Variants in CNTN3 observed in about 807,000 individuals in gnomAD.
CNTN3 encodes contactin-3.
CNTN3 carries 60 observed loss-of-function variants against 119.1 expected under a neutral mutation model. That is an observed-to-expected ratio of 0.50 (90% confidence interval 0.41 to 0.62). The LOEUF (loss-of-function observed/expected upper bound fraction) is 0.62, where lower values mean the gene tolerates loss of function less well. CNTN3 is among the 20% of genes least tolerant of loss of function. The pLI is 0.00. For synonymous variants in CNTN3, 450 were observed against 438.7 expected (o/e 1.03, Z -0.32); for missense variants, 1,101 against 1,242.4 (o/e 0.89, Z 1.71).
At chr3:74,532,097 C>T (rs879079556) in intron 1 of CNTN3, among the ~76,000 whole-genome samples, 5 of 151,864 alleles carry the variant, frequency 3.3e-5, no homozygotes, top group Admixed American at 6.6e-5. Context: ...AAATGCTTTT[C>T]GTGATGTTAT....
intron 4 of CNTN3, among the ~76,000 whole-genome samples, chr3:74,433,498 T>TTA (rs1294358787): frequency 6.6e-6 from 1 of 152,222 alleles, no homozygotes; most frequent in Non-Finnish European, 1.5e-5. Context: ...AAGCATCTAA[T>TTA]AAGATCATAA....
intron 4 of CNTN3, among the ~76,000 whole-genome samples, chr3:74,472,615 C>G (rs551200849): frequency 6.6e-6 from 1 of 152,150 alleles, no homozygotes; most frequent in African/African-American, 2.4e-5. Context: ...TTAATCTCAA[C>G]GGAAACTTGG....
Position 74,285,413 on chromosome 3 carries a change from G to A in CNTN3, c.2596C>T (p.Leu866=). ...GCCAGGTTGCTCTTCAGGCCCCGTA[G>A]TCTGGCTGATGTCTCATTTCCTGCC... is the stretch of plus-strand genomic sequence containing the variant. ...KVAGNETSAR[L]RGLKSNLAYY... is the part of the protein sequence containing the mutation. Residue 866 remains leucine (L), a synonymous_variant, in exon 20 of 23, where the codon CTA becomes TTA. Transcript: ENST00000263665. The A allele has an allele frequency of 1.9e-6, 3 of 1,613,570 alleles. No individual in the cohort carries two copies. The highest frequency in any genetic ancestry group is 2.5e-6 in the Non-Finnish European group (3 of 1,179,744).
At chr3:74,265,582 G>A (rs1222179674) in intron 22 of CNTN3, among the ~76,000 whole-genome samples, 1 of 152,090 alleles carries the variant, frequency 6.6e-6, no homozygotes, top group Non-Finnish European at 1.5e-5. Context: ...TGTTTTCTTA[G>A]TGTAGCTTTG....
chr3:74,429,503 G>A (rs1021483612), intron 4 of CNTN3, among the ~76,000 whole-genome samples: 4 of 151,770 alleles, frequency 2.6e-5, no homozygotes, highest in Middle Eastern at 3.4e-3. Flanking sequence ...GACCACAAAC[G>A]TAAATGTAAA....
intron 1 of CNTN3, among the ~76,000 whole-genome samples, chr3:74,568,638 G>T (rs1291375038): frequency 1.3e-5 from 2 of 152,298 alleles, no homozygotes; most frequent in Non-Finnish European, 2.9e-5. Flanking sequence ...ATAAGTGGTA[G>T]ATGTAACTAC....
At chr3:74,411,435 C>T (rs562022746) in intron 5 of CNTN3, among the ~76,000 whole-genome samples, 13 of 152,234 alleles carry the variant, frequency 8.5e-5, no homozygotes, top group African/African-American at 2.9e-4. Flanking sequence ...GAGTTTTCTT[C>T]TCAAGTAAGT....
chr3:74,287,010 C>T (rs148517182), intron 19 of CNTN3, among the ~76,000 whole-genome samples: 5 of 152,290 alleles, frequency 3.3e-5, no homozygotes, highest in African/African-American at 4.8e-5. Flanking sequence ...TTTAACTGTT[C>T]GCAGCAAAGC....
At chr3:74,539,888 G>T (rs1435113349) in intron 1 of CNTN3, among the ~76,000 whole-genome samples, 1 of 151,716 alleles carries the variant, frequency 6.6e-6, no homozygotes. Flanking sequence ...GTTCGGAAAG[G>T]AGGTTCCATT....
At chr3:74,593,825 G>A (rs780324367) in intron 1 of CNTN3, among the ~76,000 whole-genome samples, 3 of 151,858 alleles carry the variant, frequency 2.0e-5, no homozygotes, top group Non-Finnish European at 4.4e-5. Context: ...AATGCCTCAC[G>A]GACTTGGAAA....
intron 4 of CNTN3, among the ~76,000 whole-genome samples, chr3:74,479,408 T>C (rs920410198): frequency 5.8e-4 from 89 of 152,192 alleles, no homozygotes; most frequent in Middle Eastern, 3.4e-3. Flanking sequence ...CTATACAAGA[T>C]ACCACAAATC....
rs1458456552 is a variant in CNTN3, at chr3:74,594,975, G to T, written c.-81+19416C>A. On this transcript the variant is annotated intron_variant, in intron 1 of 22. Transcript: ENST00000263665. ...CAGCACCTGTTGTTTCCTGACTTTT[G>T]AATGATCACCATTCTAACTGGCGTG... Among the ~76,000 whole-genome samples the T allele has an allele frequency of 2.4e-3, 364 of 151,818 alleles. 4 individuals carry two copies. The highest frequency in any genetic ancestry group is 7.3e-3 in the African/African-American group (300 of 41,310).
At position 74,299,827 on chromosome 3, in the gene CNTN3, C is replaced by G. The variant is rs116482843; in HGVS notation, c.2166+41G>C. 7,666 of 1,540,058 alleles carry G rather than the reference C, an allele frequency of 5.0e-3. 34 individuals carry two copies. Among genetic ancestry groups the G allele is most frequent in the Non-Finnish European group, 5.8e-3 (6,556 of 1,122,940 alleles). On this transcript the variant is annotated intron_variant, in intron 17 of 22. Coordinates refer to ENST00000263665, the MANE Select transcript of CNTN3 (RefSeq NM_020872.3). ...TGGGAAGCCATAATGATCATGGGAA[C>G]AGCAAGACCCTGATGGGGAAGATGC...
intron 4 of CNTN3, among the ~76,000 whole-genome samples, chr3:74,470,837 G>C (rs1702546990): frequency 6.6e-6 from 1 of 151,682 alleles, no homozygotes; most frequent in African/African-American, 2.4e-5. Context: ...AACTCAATGA[G>C]AAAAATACTC....
Position 74,344,397 on chromosome 3 carries a change from G to GTTTTTTTTTTTTT in CNTN3, c.1365-7752_1365-7740dup, listed in dbSNP as rs1156579949. Among the ~76,000 whole-genome samples the GTTTTTTTTTTTTT allele has an allele frequency of 1.8e-4, 6 of 32,620 alleles. 1 individual carries two copies. Among genetic ancestry groups the GTTTTTTTTTTTTT allele is most frequent in the Non-Finnish European group, 4.3e-4 (6 of 13,920 alleles). 21.4% of individuals were successfully genotyped at this position (32,620 alleles called of 152,430 possible). ...AGTTCATTTACAACCTTACACAGTG[G>GTTTTTTTTTTTTT]TTTTTTTTTTTTTTTTTTTTTTTTT... On this transcript the variant is annotated intron_variant, in intron 11 of 22. Coordinates refer to ENST00000263665, the MANE Select transcript of CNTN3 (RefSeq NM_020872.3).
At chr3:74,571,576 T>C (rs1704334812) in intron 1 of CNTN3, among the ~76,000 whole-genome samples, 1 of 152,186 alleles carries the variant, frequency 6.6e-6, no homozygotes, top group South Asian at 2.1e-4. Flanking sequence ...GCACAATATA[T>C]GGAAAGCACT....
chr3:74,493,002 C>A (rs1702996046), intron 3 of CNTN3, among the ~76,000 whole-genome samples: 1 of 152,070 alleles, frequency 6.6e-6, no homozygotes, highest in Middle Eastern at 3.2e-3. Flanking sequence ...CTACCCTAGC[C>A]ATTACTAACC....
At chr3:74,460,142 A>G (rs1702338949) in intron 4 of CNTN3, among the ~76,000 whole-genome samples, 1 of 152,046 alleles carries the variant, frequency 6.6e-6, no homozygotes, top group African/African-American at 2.4e-5. Flanking sequence ...CCAACACAAC[A>G]CAGTCTTGAT....
chr3:74,315,813 C>T (rs574510872), intron 13 of CNTN3, among the ~76,000 whole-genome samples: 2 of 152,038 alleles, frequency 1.3e-5, no homozygotes, highest in African/African-American at 4.8e-5. Context: ...AATTAAGTCA[C>T]GACGGATTAA....
Sources: gnomAD v4.1 joint callset for allele counts (sites outside exome capture counted in the v4.1 genomes callset) on GRCh38, gnomAD v4.1.1 for gene constraint, MANE v1.5 for transcripts, NCBI Gene and HGNC (gene_info 2026-07-23, HGNC 2026-07-21) for gene names.